Variants in ZC3H12D observed in about 807,000 individuals in gnomAD.
ZC3H12D encodes zinc finger CCCH-type containing 12D.
Under a neutral mutation model 24.2 loss-of-function variants are expected in ZC3H12D, and 11 were observed. The observed-to-expected ratio is 0.46, with a 90% CI of 0.29 to 0.75. The LOEUF is 0.75. Ranked by LOEUF, ZC3H12D falls within the 30% of genes least tolerant of loss-of-function variation. The pLI is 0.11. For synonymous variants in ZC3H12D, 333 were observed against 341.8 expected (o/e 0.97, Z 0.28); for missense variants, 740 against 767.7 (o/e 0.96, Z 0.43).
intron 4 of ZC3H12D, among the ~76,000 whole-genome samples, chr6:149,454,366 T>A (rs773419772): frequency 3.3e-5 from 5 of 152,182 alleles, no homozygotes; most frequent in Admixed American, 3.3e-4. Flanking sequence ...AAGGAGAAGA[T>A]GTTTTATGGG....
At chr6:149,480,445 A>C (rs1024678619) in intron 1 of ZC3H12D, among the ~76,000 whole-genome samples, 19 of 152,238 alleles carry the variant, frequency 1.2e-4, no homozygotes, top group Non-Finnish European at 2.6e-4. Context: ...CACGGAGTAC[A>C]TGTGGACACA....
Position 149,456,637 on chromosome 6 carries a change from C to CCCCGGGG in ZC3H12D, c.680+28_680+29insCCCCGGG. ...CCCGGCCCCCCGCCCCGCCGCCCCC[C>CCCCGGGG]AGGGTGTCAGGACCCCAGCCGGACC... On this transcript the variant is annotated intron_variant, in intron 4 of 5. Transcript: ENST00000409806. This position sits in a 1 kb window ranked among gnomAD's most constrained non-coding sequence, Gnocchi z 4.3. The CCCCGGGG allele has an allele frequency of 1.9e-6, 3 of 1,554,898 alleles. No individual in the cohort carries two copies. Among genetic ancestry groups the CCCCGGGG allele is most frequent in the Non-Finnish European group, 2.7e-6 (3 of 1,130,038 alleles).
chr6:149,470,547 T>A lies in ZC3H12D; in HGVS notation c.305+3692A>T, dbSNP rs561319835. Among the ~76,000 whole-genome samples, 7 of 147,136 alleles carry A rather than the reference T, an allele frequency of 4.8e-5. No individual in the cohort carries two copies. The South Asian group carries it at 6.4e-4, about 14-fold the overall frequency. On this transcript the variant is annotated intron_variant, in intron 2 of 5. Coordinates refer to ENST00000409806, the MANE Select transcript of ZC3H12D (RefSeq NM_207360.3). The stretch of plus-strand genomic sequence containing the variant: ...AGACTCCGTCTGAAGAAAAAAAAAA[T>A]AAAAATAAAATGTATATATTTATTT...
At chr6:149,481,377 T>C (rs1405870049) in intron 1 of ZC3H12D, among the ~76,000 whole-genome samples, 6 of 122,740 alleles carry the variant, frequency 4.9e-5, no homozygotes, top group African/African-American at 2.7e-4. Context: ...TGGCTTAGCA[T>C]TTTTTTTTTT....
chr6:149,483,142 A>T (rs947222831), intron 1 of ZC3H12D: 6 of 152,232 alleles, frequency 3.9e-5, no homozygotes, highest in Non-Finnish European at 8.8e-5. Flanking sequence ...GAGCTTTTCC[A>T]CAGAGGCCAA....
chr6:149,459,194 A>G lies in ZC3H12D; in HGVS notation c.446-2294T>C, dbSNP rs1211648456. On this transcript the variant is annotated intron_variant, in intron 3 of 5. Transcript: ENST00000409806. Reference sequence around the variant, plus strand: ...ATTTAAAAATTCCTTCCCTATCCCAAAGTAATTTCTCTACTTTTCCCACAT... The same window carrying G: ...ATTTAAAAATTCCTTCCCTATCCCAGAGTAATTTCTCTACTTTTCCCACAT... Among the ~76,000 whole-genome samples, 7 of 152,266 alleles carry G rather than the reference A, an allele frequency of 4.6e-5. No homozygotes were observed. The East Asian group carries it at 1.2e-3, about 25-fold the overall frequency.
intron 2 of ZC3H12D, among the ~76,000 whole-genome samples, chr6:149,463,779 G>C (rs956968458): frequency 2.0e-5 from 3 of 152,130 alleles, no homozygotes; most frequent in Non-Finnish European, 4.4e-5. Flanking sequence ...TTATTTAGAA[G>C]GTCAAATCTC....
In ZC3H12D at chr6:149,452,030, G is replaced by A. The variant is rs1321362889; in HGVS notation, c.788-551C>T. 6.5e-6 allele frequency: 1 copy of A among 153,172 alleles called. No homozygotes were observed. Among genetic ancestry groups the A allele is most frequent in the Non-Finnish European group, 1.5e-5 (1 of 68,778 alleles). 9.5% of individuals were successfully genotyped at this position (153,172 alleles called of 1,614,324 possible). On this transcript the variant is annotated intron_variant, in intron 5 of 5. Coordinates refer to ENST00000409806, the MANE Select transcript of ZC3H12D (RefSeq NM_207360.3). This position sits in a 1 kb window ranked among gnomAD's most constrained non-coding sequence, Gnocchi z 4.0. ...GTTACTATCCAAACCCAAGGCTTCT[G>A]AGAGTGAAAGGGGGAAGGAGGAGTC...
chr6:149,474,105 T>G (rs752288871), intron 2 of ZC3H12D, 134 bp downstream of exon 2: 13 of 657,548 alleles, frequency 2.0e-5, no homozygotes, highest in Non-Finnish European at 3.0e-5. Context: ...TACTAAGAGA[T>G]GGTACAGGGA....
At chr6:149,461,559 A>G (rs1776072454) in intron 3 of ZC3H12D, 1 of 246,674 alleles carries the variant, frequency 4.1e-6, no homozygotes, top group Non-Finnish European at 7.8e-6. Flanking sequence ...TAACACACCA[A>G]AAGAGTAGTT....
At chr6:149,462,744 T>C (rs1776093717) in intron 2 of ZC3H12D, among the ~76,000 whole-genome samples, 1 of 152,238 alleles carries the variant, frequency 6.6e-6, no homozygotes, top group Non-Finnish European at 1.5e-5. Flanking sequence ...TGCTGAGTCT[T>C]CTGGCCTTCG....
chr6:149,452,553 G>A lies in ZC3H12D; in HGVS notation c.787+63C>T. ...CACCAGGCCAGCGCTTTTTGACTGT[G>A]CTCCTGTACTGCCCCCACACAAGGC... On this transcript the variant is annotated intron_variant, in intron 5 of 5. Transcript: ENST00000409806. This position sits in a 1 kb window ranked among gnomAD's most constrained non-coding sequence, Gnocchi z 4.0. 1 of 1,341,568 alleles carries A rather than the reference G, an allele frequency of 7.5e-7. No individual in the cohort carries two copies. The allele number at this position is 1,341,568 out of a possible 1,614,324, so 83.1% of individuals were successfully genotyped here. A position where few individuals can be genotyped will look rare whatever the true frequency, so the allele number is the denominator to read the frequency against.
chr6:149,483,860 C>A (rs531740190), intron 1 of ZC3H12D, among the ~76,000 whole-genome samples: 3 of 152,174 alleles, frequency 2.0e-5, no homozygotes, highest in Non-Finnish European at 2.9e-5. Flanking sequence ...CAATTTCTCT[C>A]GTTTTTAAGG....
Position 149,472,964 on chromosome 6 carries a change from G to A in ZC3H12D, c.305+1275C>T, listed in dbSNP as rs1250114171. ...TTAAAAATCCTTTTAGCTTCCCAGA[G>A]ATCTTAAATTGAGCAGAATTTCATA... On this transcript the variant is annotated intron_variant, in intron 2 of 5. Coordinates refer to ENST00000409806, the MANE Select transcript of ZC3H12D (RefSeq NM_207360.3). 2.6e-5 allele frequency among the ~76,000 whole-genome samples: 4 copies of A among 152,236 alleles called. No homozygotes were observed. The East Asian group carries it at 5.8e-4, about 22-fold the overall frequency.
chr6:149,483,871 C>T (rs760325142), intron 1 of ZC3H12D, among the ~76,000 whole-genome samples: 31 of 152,126 alleles, frequency 2.0e-4, no homozygotes, highest in Non-Finnish European at 4.1e-4. Context: ...GTTTTTAAGG[C>T]GAAATAACAT....
intron 1 of ZC3H12D, among the ~76,000 whole-genome samples, chr6:149,479,230 G>A (rs1450978784): frequency 2.0e-5 from 3 of 152,124 alleles, no homozygotes; most frequent in South Asian, 2.1e-4. Flanking sequence ...GCATGGTGGC[G>A]TGTGCCTGAA....
rs1775989409 is a variant in ZC3H12D at position 149,456,769 on chromosome 6, CGCCGTCCTGCTCGTAG to C, written c.561_576del (p.Tyr188SerfsTer50). On this transcript the variant is annotated frameshift_variant, in exon 4 of 6. Coordinates refer to ENST00000409806, the MANE Select transcript of ZC3H12D (RefSeq NM_207360.3). LOFTEE classifies it high-confidence loss of function. The surrounding 1 kb of genome is among the most constrained non-coding windows in gnomAD (Gnocchi z 4.3). ...CGGTAGTTGTCGTTGGAGACGATGA[CGCCGTCCTGCTCGTAG>C]GCCACCTTCACGATGTAGCGGTCGT... 1 of 1,613,778 alleles carries C rather than the reference CGCCGTCCTGCTCGTAG, an allele frequency of 6.2e-7. No homozygotes were observed. Among genetic ancestry groups the C allele is most frequent in the Admixed American group, 1.7e-5 (1 of 60,030 alleles).
At chr6:149,468,949 T>C (rs149242293) in intron 2 of ZC3H12D, among the ~76,000 whole-genome samples, 3,552 of 151,948 alleles carry the variant, frequency 0.023, 71 homozygotes, top group Non-Finnish European at 0.036. Flanking sequence ...GTCCTGAGAG[T>C]GTAAAAATGT....
chr6:149,451,432 T>G lies in ZC3H12D; in HGVS notation c.835A>C (p.Arg279=). The G allele has an allele frequency of 6.3e-7, 1 of 1,575,576 alleles. No homozygotes were observed. Among genetic ancestry groups the G allele is most frequent in the Non-Finnish European group, 8.5e-7 (1 of 1,170,668 alleles). The part of the protein sequence containing the change: ...GIKCKFYHPE[R]PHHAQLAVAD... Reference sequence around the variant, plus strand: ...ACCGCCAGTTGCGCGTGGTGCGGCCTCTCCGGGTGGTAGAACTTGCACTTG... The same window carrying G: ...ACCGCCAGTTGCGCGTGGTGCGGCCGCTCCGGGTGGTAGAACTTGCACTTG... Residue 279 remains arginine (R), a synonymous_variant, in exon 6 of 6, where the codon AGG becomes CGG. Transcript: ENST00000409806.
Sources: gnomAD v4.1 joint callset for allele counts (sites outside exome capture counted in the v4.1 genomes callset) on GRCh38, gnomAD v4.1.1 for gene constraint, Gnocchi (gnomAD v3.1) non-coding constraint, MANE v1.5 for transcripts, NCBI Gene and HGNC (gene_info 2026-07-23, HGNC 2026-07-21) for gene names.